Variants in DLGAP1 observed in about 807,000 individuals in gnomAD.
The protein encoded by DLGAP1 is DLG associated protein 1.
In DLGAP1, 11 loss-of-function variants were observed where a neutral mutation model predicts 90.8. The ratio of observed to expected loss-of-function variants is 0.12; its 90% confidence interval spans 0.08 to 0.20. The LOEUF (loss-of-function observed/expected upper bound fraction) is 0.20, where lower values mean the gene tolerates loss of function less well. DLGAP1 is among the 10% of genes least tolerant of loss of function. DLGAP1 has a pLI of 1.00. For missense variants in DLGAP1, 1,050 were observed against 1,333.8 expected (o/e 0.79, Z 3.31); for synonymous variants, 558 against 540.7 (o/e 1.03, Z -0.44).
chr18:3,870,353 G>A (rs897058619), intron 4 of DLGAP1, among the ~76,000 whole-genome samples: 7 of 152,072 alleles, frequency 4.6e-5, no homozygotes, highest in East Asian at 1.9e-4. Flanking sequence ...ATATGTACCC[G>A]TATTGATTCC....
intron 3 of DLGAP1, chr18:3,978,725 G>A (rs1189766184): frequency 6.5e-6 from 1 of 153,040 alleles, no homozygotes; most frequent in African/African-American, 2.4e-5. Context: ...TTGTTCCAAA[G>A]CTCTTCCCAC....
chr18:4,237,442 G>GA (rs1167530619), intron 1 of DLGAP1, among the ~76,000 whole-genome samples: 1 of 151,980 alleles, frequency 6.6e-6, no homozygotes, highest in Non-Finnish European at 1.5e-5. Context: ...ATGAAAGACA[G>GA]AAAAAACGGT....
At chr18:3,627,674 T>A (rs2058346067) in intron 7 of DLGAP1, among the ~76,000 whole-genome samples, 1 of 152,054 alleles carries the variant, frequency 6.6e-6, no homozygotes, top group Admixed American at 6.6e-5. Flanking sequence ...CTATATATAT[T>A]TTTAGAGATG....
chr18:4,361,131 G>A (rs1017263812), intron 1 of DLGAP1, among the ~76,000 whole-genome samples: 4 of 152,044 alleles, frequency 2.6e-5, no homozygotes, highest in African/African-American at 9.7e-5. Context: ...TTTCAGAAGA[G>A]GGCTTCAGGG....
intron 1 of DLGAP1, among the ~76,000 whole-genome samples, chr18:4,382,661 ATACT>A (rs1304018138): frequency 7.9e-5 from 12 of 152,124 alleles, no homozygotes; most frequent in African/African-American, 2.9e-4. Flanking sequence ...TTTAAATAAA[ATACT>A]TACTTGCTAA....
intron 5 of DLGAP1, among the ~76,000 whole-genome samples, chr18:3,765,117 CTTTTTTTTTTTTCTTT>C (rs2064160877): frequency 2.4e-5 from 3 of 126,414 alleles, no homozygotes; most frequent in Non-Finnish European, 3.2e-5. Context: ...CACTTGCAAA[CTTTTTTTTTTTTCTTT>C]TTTTTTTTTT....
At chr18:4,419,663 G>GAATAC (rs71297356) in intron 1 of DLGAP1, among the ~76,000 whole-genome samples, 1 of 151,708 alleles carries the variant, frequency 6.6e-6, no homozygotes, top group Admixed American at 6.6e-5. Flanking sequence ...GGGAAATTCA[G>GAATAC]ATTATTTAAG....
At chr18:3,512,909 A>G (rs1236359639) in intron 10 of DLGAP1, among the ~76,000 whole-genome samples, 1 of 152,156 alleles carries the variant, frequency 6.6e-6, no homozygotes, top group Non-Finnish European at 1.5e-5. Flanking sequence ...CCTCTTAACA[A>G]ATATTTAAGT....
At position 3,720,888 on chromosome 18, in the gene DLGAP1, C is replaced by CCAAAAAA. The variant is rs1441095000; in HGVS notation, c.1591+8246_1591+8247insTTTTTTG. ...GCAACATACTAAGACCTTGTCTCTACAAAAAAAAAAAAAAAAAAAAATTAG... is the reference window on the plus strand; with the variant it reads ...GCAACATACTAAGACCTTGTCTCTACCAAAAAAAAAAAAAAAAAAAAAAAAAAATTAG... On this transcript the variant is annotated intron_variant, in intron 7 of 12. Transcript: ENST00000315677. 1.8e-4 allele frequency among the ~76,000 whole-genome samples: 9 copies of CCAAAAAA among 50,314 alleles called. 2 individuals carry two copies. Among genetic ancestry groups the CCAAAAAA allele is most frequent in the African/African-American group, 7.2e-4 (9 of 12,494 alleles). 33.0% of individuals were successfully genotyped at this position (50,314 alleles called of 152,430 possible).
intron 3 of DLGAP1, among the ~76,000 whole-genome samples, chr18:3,976,715 C>T (rs2073588518): frequency 6.6e-6 from 1 of 152,000 alleles, no homozygotes; most frequent in South Asian, 2.1e-4. Context: ...GGAGAATGTC[C>T]TGTAATGAAA....
chr18:4,274,761 T>A (rs1350405110), intron 1 of DLGAP1, among the ~76,000 whole-genome samples: 1 of 152,178 alleles, frequency 6.6e-6, no homozygotes, highest in Non-Finnish European at 1.5e-5. Context: ...TTTTAGTAGA[T>A]AAGAAGTAGA....
At chr18:3,910,448 T>C (rs900984147) in intron 3 of DLGAP1, among the ~76,000 whole-genome samples, 3 of 152,122 alleles carry the variant, frequency 2.0e-5, no homozygotes, top group Non-Finnish European at 4.4e-5. Flanking sequence ...AATGAACAAG[T>C]AGTCTGAGAC....
intron 1 of DLGAP1, among the ~76,000 whole-genome samples, chr18:4,388,088 G>C (rs544850678): frequency 6.6e-6 from 1 of 151,986 alleles, no homozygotes; most frequent in Non-Finnish European, 1.5e-5. Context: ...TGTGGAGGAC[G>C]GAGTGGAAGC....
chr18:4,083,562 G>A lies in DLGAP1; in HGVS notation c.-159+67618C>T, dbSNP rs181762915. On this transcript the variant is annotated intron_variant, in intron 2 of 12. Coordinates refer to ENST00000315677, the MANE Select transcript of DLGAP1 (RefSeq NM_004746.4). ...AATCATAGTGAAGCCATTCTTACAT[G>A]GTTACCAAGAATTTGGACAGAAATA... is the stretch of plus-strand genomic sequence containing the variant. Among the ~76,000 whole-genome samples, 234 of 152,176 alleles carry A rather than the reference G, an allele frequency of 1.5e-3. 1 individual carries two copies. Among genetic ancestry groups the A allele is most frequent in the Middle Eastern group, 3.4e-3 (1 of 294 alleles).
chr18:4,381,923 A>G (rs1269559478), intron 1 of DLGAP1, among the ~76,000 whole-genome samples: 1 of 152,156 alleles, frequency 6.6e-6, no homozygotes, highest in African/African-American at 2.4e-5. Context: ...GGCAAAAGAC[A>G]CGTCTTACAC....
intron 1 of DLGAP1, among the ~76,000 whole-genome samples, chr18:4,271,615 C>T (rs946866866): frequency 4.6e-5 from 7 of 152,082 alleles, no homozygotes; most frequent in Non-Finnish European, 8.8e-5. Context: ...TCAATATTAT[C>T]ATTGTAGACA....
chr18:3,542,109 G>T (rs182341841), intron 9 of DLGAP1, among the ~76,000 whole-genome samples: 73 of 152,282 alleles, frequency 4.8e-4, no homozygotes, highest in Admixed American at 3.9e-3. Flanking sequence ...GTATGTCCTG[G>T]AGGTCTAAAT....
intron 5 of DLGAP1, chr18:3,771,479 T>G (rs1161405183): frequency 2.0e-5 from 3 of 152,096 alleles, no homozygotes; most frequent in African/African-American, 2.4e-5. Context: ...CGGGGGCGGG[T>G]GGCGGCGTCA....
chr18:4,353,860 T>C (rs2081449394), intron 1 of DLGAP1, among the ~76,000 whole-genome samples: 1 of 152,256 alleles, frequency 6.6e-6, no homozygotes, highest in Admixed American at 6.5e-5. Flanking sequence ...TCACTGTCGC[T>C]CTGAAAAATC....
Sources: allele counts gnomAD v4.1 joint callset (sites outside exome capture counted in the v4.1 genomes callset), GRCh38; gene constraint gnomAD v4.1.1; transcripts MANE v1.5; gene names NCBI Gene and HGNC (gene_info 2026-07-23, HGNC 2026-07-21).